The following LRP1B variants were observed in gnomAD, a reference collection of about 807,000 sequenced individuals.
LRP1B encodes low-density lipoprotein receptor-related protein 1B.
LRP1B carries 217 observed loss-of-function variants against 556.6 expected under a neutral mutation model. That is an observed-to-expected ratio of 0.39 (90% CI 0.35 to 0.44). The LOEUF is 0.44. LRP1B is among the 20% of genes least tolerant of loss of function. The pLI is 1.00. For synonymous variants in LRP1B, 2,047 were observed against 1,865.8 expected, an observed-to-expected ratio of 1.10 and a Z score of -2.50; for missense variants, 5,053 against 5,620.8, an observed-to-expected ratio of 0.90 and a Z score of 3.23.
intron 5 of LRP1B, among the ~76,000 whole-genome samples, chr2:141,240,091 G>A (rs1683807893): frequency 1.3e-5 from 2 of 152,050 alleles, no homozygotes; most frequent in South Asian, 4.1e-4. Context: ...GACAGAGGCT[G>A]TGTGAGTCCT....
intron 2 of LRP1B, among the ~76,000 whole-genome samples, chr2:141,536,976 T>A (rs1685089277): frequency 6.6e-6 from 1 of 150,630 alleles, no homozygotes; most frequent in Admixed American, 6.6e-5. Flanking sequence ...CAATAATCAA[T>A]AATTGAGGAA....
At chr2:141,110,622 A>G (rs949567274) in intron 7 of LRP1B, among the ~76,000 whole-genome samples, 5 of 145,708 alleles carry the variant, frequency 3.4e-5, no homozygotes, top group South Asian at 2.3e-4. Flanking sequence ...CAAAGACAAG[A>G]AAGTTTGTAA....
chr2:140,321,185 T>C (rs1046099809), intron 82 of LRP1B, among the ~76,000 whole-genome samples: 7 of 152,110 alleles, frequency 4.6e-5, no homozygotes, highest in African/African-American at 1.7e-4. Flanking sequence ...TCAGTCTAGC[T>C]GGATATTCAA....
chr2:141,943,623 A>G (rs1700877595), intron 1 of LRP1B, among the ~76,000 whole-genome samples: 2 of 152,258 alleles, frequency 1.3e-5, no homozygotes, highest in South Asian at 4.1e-4. Context: ...TTAAACCTCC[A>G]TAATGTTGAA....
chr2:140,462,727 G>T (rs1687374014), intron 60 of LRP1B, among the ~76,000 whole-genome samples: 1 of 152,156 alleles, frequency 6.6e-6, no homozygotes, highest in Admixed American at 6.5e-5. Context: ...AGGATAACTA[G>T]AACTCCCACT....
At chr2:141,542,250 C>A (rs1184965891) in intron 2 of LRP1B, among the ~76,000 whole-genome samples, 1 of 151,862 alleles carries the variant, frequency 6.6e-6, no homozygotes, top group Non-Finnish European at 1.5e-5. Flanking sequence ...TACCAGCTTT[C>A]TAACTTTATT....
chr2:140,445,601 T>TTTATC (rs113111323), intron 63 of LRP1B, among the ~76,000 whole-genome samples: 36,386 of 151,864 alleles, frequency 0.24, 4,643 homozygotes, highest in Non-Finnish European at 0.28. Context: ...GATAATGCAT[T>TTTATC]TTATCATATT....
chr2:140,498,398 A>G (rs535393775), intron 55 of LRP1B, among the ~76,000 whole-genome samples: 2 of 151,894 alleles, frequency 1.3e-5, no homozygotes, highest in South Asian at 4.1e-4. Context: ...CCAGAAGTAC[A>G]TTTATTTTTA....
chr2:141,417,281 T>C (rs1312008886), intron 3 of LRP1B, among the ~76,000 whole-genome samples: 1 of 152,226 alleles, frequency 6.6e-6, no homozygotes, highest in African/African-American at 2.4e-5. Context: ...GTTAAATGTA[T>C]AGTCCAGGTT....
At chr2:141,583,923 A>G (rs1687037934) in intron 2 of LRP1B, among the ~76,000 whole-genome samples, 1 of 144,648 alleles carries the variant, frequency 6.9e-6, no homozygotes, top group Admixed American at 6.7e-5. Context: ...TTTTTTTAGT[A>G]GCGATGGGGT....
chr2:140,907,790 A>T (rs549852410), intron 22 of LRP1B, 87 bp downstream of exon 22: 1 of 1,126,590 alleles, frequency 8.9e-7, no homozygotes, highest in African/African-American at 1.5e-5. Flanking sequence ...GAATGAAAGG[A>T]ATGAATGCTA....
intron 1 of LRP1B, among the ~76,000 whole-genome samples, chr2:142,092,630 TTG>T (rs562830502): frequency 5.2e-5 from 7 of 134,124 alleles, no homozygotes; most frequent in Middle Eastern, 4.2e-3. Context: ...GTAAGGAGAT[TTG>T]TGTGTGTGTG....
chr2:140,731,083 A>G (rs1164302413), intron 35 of LRP1B, among the ~76,000 whole-genome samples: 5 of 151,868 alleles, frequency 3.3e-5, no homozygotes, highest in Non-Finnish European at 7.4e-5. Context: ...GCATTTCCTT[A>G]CCTTTAGTAG....
chr2:140,334,493 C>T lies in LRP1B; in HGVS notation c.12183G>A (p.Leu4061=), dbSNP rs772583073. The part of the protein sequence containing the change: ...HIEEAAMDGT[L]RRILVQKNLQ... ...AGTTCTTTTGTACTAAAATCCTTCT[C>T]AGTGTACCATCCATGGCTGCTTCTT... The change falls in exon 79 of 91, where the codon CTG becomes CTA. Residue 4061 remains leucine (L), a synonymous_variant. Coordinates refer to ENST00000389484, the MANE Select transcript of LRP1B (RefSeq NM_018557.3). 5 of 1,610,810 alleles carry T rather than the reference C, an allele frequency of 3.1e-6. No homozygotes were observed. Among genetic ancestry groups the T allele is most frequent in the Non-Finnish European group, 4.2e-6 (5 of 1,178,166 alleles).
intron 2 of LRP1B, among the ~76,000 whole-genome samples, chr2:141,655,043 T>G (rs1420572248): frequency 6.6e-6 from 1 of 152,180 alleles, no homozygotes; most frequent in Non-Finnish European, 1.5e-5. Context: ...TACAGAAATA[T>G]AGAAGTGTTT....
chr2:140,397,674 TATA>T (rs1276078484), intron 66 of LRP1B, among the ~76,000 whole-genome samples: 2 of 152,192 alleles, frequency 1.3e-5, no homozygotes, highest in Non-Finnish European at 2.9e-5. Context: ...TCTATGGCTG[TATA>T]ATATTTCTCT....
intron 59 of LRP1B, among the ~76,000 whole-genome samples, chr2:140,483,452 A>T (rs1443708211): frequency 6.6e-6 from 1 of 151,612 alleles, no homozygotes; most frequent in African/African-American, 2.4e-5. Flanking sequence ...TGCTATTAGC[A>T]AACAGGTAAT....
At chr2:141,237,450 C>A (rs1413323224) in intron 5 of LRP1B, among the ~76,000 whole-genome samples, 1 of 151,254 alleles carries the variant, frequency 6.6e-6, no homozygotes, top group African/African-American at 2.4e-5. Flanking sequence ...AAGCAATCCT[C>A]CTTCCTTGGC....
chr2:140,387,934 CTTT>C (rs536602296), intron 66 of LRP1B, among the ~76,000 whole-genome samples: 1 of 138,390 alleles, frequency 7.2e-6, no homozygotes. Context: ...CTTGTACTTT[CTTT>C]TTTTTTTTTT....
Sources: allele counts gnomAD v4.1 joint callset (sites outside exome capture counted in the v4.1 genomes callset), GRCh38; gene constraint gnomAD v4.1.1; transcripts MANE v1.5; gene names NCBI Gene and HGNC (gene_info 2026-07-23, HGNC 2026-07-21).